Variants in FANCC observed in about 807,000 individuals in gnomAD.
The protein encoded by FANCC is FA complementation group C.
A neutral mutation model predicts 71.3 loss-of-function variants in FANCC; 55 were observed. The ratio of observed to expected loss-of-function variants is 0.77; its 90% CI spans 0.62 to 0.97. FANCC has a LOEUF of 0.97. Ranked by LOEUF, FANCC falls within the 50% of genes least tolerant of loss-of-function variation. The probability of loss-of-function intolerance (pLI) is 0.00; values close to 1 mark genes in which losing one functional copy is unlikely to be tolerated. For missense variants in FANCC, 678 were observed against 670.9 expected, an observed-to-expected ratio of 1.01 and a Z score of -0.12; for synonymous variants, 275 against 244.9, an observed-to-expected ratio of 1.12 and a Z score of -1.15.
rs145560863 is a variant in FANCC at position 95,282,921 on chromosome 9, G to C, written c.-78-33552C>G. The stretch of plus-strand genomic sequence containing the variant: ...ATAACATACCAAATCCTATGGGATA[G>C]AGCAAAAACAATTCTAAGAGGGAAG... On this transcript the variant is annotated intron_variant, in intron 1 of 14. Coordinates refer to ENST00000289081, the MANE Select transcript of FANCC (RefSeq NM_000136.3). 3.6e-3 allele frequency among the ~76,000 whole-genome samples: 542 copies of C among 152,188 alleles called. 2 individuals are homozygous for C. The highest frequency in any genetic ancestry group is 0.013 in the African/African-American group (521 of 41,528).
intron 14 of FANCC, among the ~76,000 whole-genome samples, chr9:95,103,463 G>A (rs958424041): frequency 1.3e-5 from 2 of 152,224 alleles, no homozygotes; most frequent in African/African-American, 4.8e-5. Flanking sequence ...AGCAGCAGGA[G>A]GCAGGAGAAG....
At chr9:95,200,200 G>A (rs1169683611) in intron 4 of FANCC, among the ~76,000 whole-genome samples, 2 of 152,142 alleles carry the variant, frequency 1.3e-5, no homozygotes, top group African/African-American at 4.8e-5. Flanking sequence ...GTAGCAGTCA[G>A]GGACCCTGGA....
chr9:95,249,059 G>A (rs1156974769), intron 2 of FANCC, 68 bp downstream of exon 2: 1 of 1,556,822 alleles, frequency 6.4e-7, no homozygotes, highest in African/African-American at 1.4e-5. Flanking sequence ...GTGGCATTCT[G>A]TCTTGGTGAA....
chr9:95,126,409 G>C, intron 9 of FANCC, 120 bp downstream of exon 9: 1 of 974,436 alleles, frequency 1.0e-6, no homozygotes, highest in Admixed American at 2.0e-5. Context: ...GAACAGGAGG[G>C]AATCAGAAAC....
intron 4 of FANCC, among the ~76,000 whole-genome samples, chr9:95,222,141 C>T (rs1486077636): frequency 7.9e-6 from 1 of 126,786 alleles, no homozygotes; most frequent in Non-Finnish European, 1.6e-5. Context: ...CCAGCCTGAG[C>T]AGCAGAGCAA....
At chr9:95,186,113 G>A (rs1010625337) in intron 4 of FANCC, among the ~76,000 whole-genome samples, 2 of 152,146 alleles carry the variant, frequency 1.3e-5, no homozygotes, top group Non-Finnish European at 2.9e-5. Flanking sequence ...TGCCTCTCAA[G>A]TATGCACTCT....
chr9:95,188,453 C>G (rs1379024802), intron 4 of FANCC, among the ~76,000 whole-genome samples: 2 of 152,166 alleles, frequency 1.3e-5, no homozygotes, highest in African/African-American at 4.8e-5. Context: ...GGAGAAGACA[C>G]AAGAAGTCAG....
chr9:95,191,228 A>G (rs1208814025), intron 4 of FANCC, among the ~76,000 whole-genome samples: 2 of 152,012 alleles, frequency 1.3e-5, no homozygotes, highest in East Asian at 3.9e-4. Context: ...GAAGACTAAG[A>G]AAGCCTGAGT....
Position 95,149,910 on chromosome 9 carries a change from A to AT in FANCC, c.686+12dup, listed in dbSNP as rs1564697336. ...AAAACGACGCAGGATGACAGGAAAC[A>AT]TTTGCCACTTACAGCAAAATGGCCT... On this transcript the variant is annotated intron_variant, in intron 7 of 14. Transcript: ENST00000289081. 6.3e-7 allele frequency: 1 copy of AT among 1,588,968 alleles called. No individual in the cohort carries two copies. The highest frequency in any genetic ancestry group is 8.6e-7 in the Non-Finnish European group (1 of 1,167,222).
chr9:95,119,215 A>T (rs548705953), intron 10 of FANCC, among the ~76,000 whole-genome samples: 26 of 152,174 alleles, frequency 1.7e-4, no homozygotes, highest in Admixed American at 5.9e-4. Flanking sequence ...TATATATTCA[A>T]GTCTTTTGTC....
intron 4 of FANCC, among the ~76,000 whole-genome samples, chr9:95,220,667 A>G (rs1362516002): frequency 6.6e-6 from 1 of 152,068 alleles, no homozygotes; most frequent in Non-Finnish European, 1.5e-5. Flanking sequence ...GAATTGAACA[A>G]TGAGAACACT....
rs1371147577 is a variant in FANCC at position 95,100,242 on chromosome 9, A to G, written c.*1465T>C. The stretch of plus-strand genomic sequence containing the variant: ...AATGACCATGAGCACGAAGCATGTT[A>G]TATGAAGGCAATGACCATGATGGCA... On this transcript the variant is annotated 3_prime_UTR_variant, in exon 15 of 15. Coordinates refer to ENST00000289081, the MANE Select transcript of FANCC (RefSeq NM_000136.3). 1 of 233,038 alleles carries G rather than the reference A, an allele frequency of 4.3e-6. No homozygotes were observed. The highest frequency in any genetic ancestry group is 8.5e-6 in the Non-Finnish European group (1 of 117,890). The allele number at this position is 233,038 out of a possible 1,614,324, so 14.4% of individuals were successfully genotyped here. A position where few individuals can be genotyped will look rare whatever the true frequency, so the allele number is the denominator to read the frequency against.
intron 8 of FANCC, among the ~76,000 whole-genome samples, chr9:95,129,050 G>A (rs765979984): frequency 2.6e-5 from 4 of 151,720 alleles, no homozygotes; most frequent in East Asian, 1.9e-4. Context: ...TTACAGGCAC[G>A]TGCCACCACA....
chr9:95,119,160 C>T (rs554646343), intron 10 of FANCC, among the ~76,000 whole-genome samples: 1 of 152,318 alleles, frequency 6.6e-6, no homozygotes, highest in Non-Finnish European at 1.5e-5. Context: ...TGACGCTGAA[C>T]AGTTTTCATG....
At chr9:95,284,887 C>G (rs1020928527) in intron 1 of FANCC, among the ~76,000 whole-genome samples, 1 of 151,552 alleles carries the variant, frequency 6.6e-6, no homozygotes, top group African/African-American at 2.4e-5. Flanking sequence ...TACACACACA[C>G]ACACACACAC....
chr9:95,174,821 A>G (rs1045155691), intron 4 of FANCC, among the ~76,000 whole-genome samples: 4 of 152,144 alleles, frequency 2.6e-5, no homozygotes, highest in African/African-American at 4.8e-5. Flanking sequence ...ATGGGCAGGC[A>G]GGCTCCATAG....
At position 95,214,337 on chromosome 9, in the gene FANCC, T is replaced by C. The variant is rs922618603; in HGVS notation, c.345+26312A>G. On this transcript the variant is annotated intron_variant, in intron 4 of 14. Coordinates refer to ENST00000289081, the MANE Select transcript of FANCC (RefSeq NM_000136.3). ...GTCCCAGCTACTGAAGAGGCTGGGG[T>C]TGGAAGATCGGTTGAGCCCAGGAGT... 3.9e-5 allele frequency among the ~76,000 whole-genome samples: 6 copies of C among 152,140 alleles called. No homozygotes were observed. In the East Asian group the frequency reaches 5.8e-4, roughly 15 times the overall value.
intron 1 of FANCC, among the ~76,000 whole-genome samples, chr9:95,300,824 C>T (rs1245452795): frequency 6.6e-6 from 1 of 152,092 alleles, no homozygotes; most frequent in Non-Finnish European, 1.5e-5. Context: ...ACACTAGCTG[C>T]CAAGAGACAC....
intron 6 of FANCC, among the ~76,000 whole-genome samples, chr9:95,162,833 A>G (rs973588311): frequency 2.6e-5 from 4 of 152,206 alleles, no homozygotes; most frequent in Non-Finnish European, 1.5e-5. Flanking sequence ...AGTTGCAGGA[A>G]TTCTCTGTAT....
Sources: gnomAD v4.1 joint callset for allele counts (sites outside exome capture counted in the v4.1 genomes callset) on GRCh38, gnomAD v4.1.1 for gene constraint, MANE v1.5 for transcripts, NCBI Gene and HGNC (gene_info 2026-07-23, HGNC 2026-07-21) for gene names.